The following MARCHF1 variants were observed in gnomAD, a reference collection of about 807,000 sequenced individuals.
MARCHF1 encodes E3 ubiquitin-protein ligase MARCHF1.
MARCHF1 carries 40 observed loss-of-function variants against 54.2 expected under a neutral mutation model. The ratio of observed to expected loss-of-function variants is 0.74; its 90% CI spans 0.57 to 0.96. The LOEUF is 0.96. Ranked by LOEUF, MARCHF1 falls within the 40% of genes least tolerant of loss-of-function variation. MARCHF1 has a pLI of 0.00. For missense variants in MARCHF1, 586 were observed against 656.5 expected (o/e 0.89, Z 1.17); for synonymous variants, 236 against 236.3 (o/e 1.00, Z 0.01).
In MARCHF1 at chr4:163,633,925, G is replaced by C. The variant is rs1024162703; in HGVS notation, c.163-20532C>G. On this transcript the variant is annotated intron_variant, in intron 5 of 9. Transcript: ENST00000514618. ...GGCAGACACCCTACAAGCCAGAAGA[G>C]AGTGGGGGCCAATATTCAACATTCT... 1.4e-4 allele frequency among the ~76,000 whole-genome samples: 22 copies of C among 152,184 alleles called. No individual in the cohort carries two copies. In the East Asian group the frequency reaches 1.5e-3, roughly 11 times the overall value.
chr4:164,267,400 C>T (rs1481764599), intron 1 of MARCHF1, among the ~76,000 whole-genome samples: 2 of 152,150 alleles, frequency 1.3e-5, no homozygotes, highest in East Asian at 3.9e-4. Flanking sequence ...GTGCCCTCTC[C>T]CTGTCTCTCT....
chr4:163,661,751 G>A (rs984048336), intron 5 of MARCHF1, among the ~76,000 whole-genome samples: 1 of 151,938 alleles, frequency 6.6e-6, no homozygotes, highest in African/African-American at 2.4e-5. Context: ...GTATTTTCTT[G>A]CCCATGCAGT....
intron 7 of MARCHF1, among the ~76,000 whole-genome samples, chr4:163,592,993 T>C (rs927978337): frequency 6.6e-5 from 10 of 152,212 alleles, no homozygotes; most frequent in Middle Eastern, 3.4e-3. Context: ...AAAAGCTGGA[T>C]TGCATCTTTT....
intron 3 of MARCHF1, among the ~76,000 whole-genome samples, chr4:163,974,776 T>C (rs1205519768): frequency 6.6e-6 from 1 of 152,162 alleles, no homozygotes; most frequent in Non-Finnish European, 1.5e-5. Context: ...TATGTGTCAA[T>C]TTGACTGAGT....
At chr4:163,960,328 T>C (rs1380263899) in intron 3 of MARCHF1, among the ~76,000 whole-genome samples, 1 of 152,036 alleles carries the variant, frequency 6.6e-6, no homozygotes, top group Non-Finnish European at 1.5e-5. Flanking sequence ...GGAATATAAA[T>C]CATTCTATCA....
At chr4:164,152,253 G>A (rs2110911790) in intron 1 of MARCHF1, among the ~76,000 whole-genome samples, 1 of 152,190 alleles carries the variant, frequency 6.6e-6, no homozygotes, top group African/African-American at 2.4e-5. Flanking sequence ...GATTACTTTA[G>A]CTAAGATGGT....
intron 4 of MARCHF1, among the ~76,000 whole-genome samples, chr4:163,762,898 A>C (rs1001926454): frequency 6.6e-6 from 1 of 152,112 alleles, no homozygotes; most frequent in Non-Finnish European, 1.5e-5. Flanking sequence ...GTAATTATGC[A>C]TCTTCCTACT....
rs1464045785 is a variant in MARCHF1 at position 164,176,968 on chromosome 4, CTCTCTCTCTCTCTATATATATATA to C, written c.-322-65330_-322-65307del. ...TCTCTCTCTCTCTCTCTCTCTCTCTCTCTCTCTCTCTCTATATATATATATATATATATATATATATACAAATGA... is the reference window on the plus strand; with the variant it reads ...TCTCTCTCTCTCTCTCTCTCTCTCTCTATATATATATATATATACAAATGA... On this transcript the variant is annotated intron_variant, in intron 1 of 9. Coordinates refer to ENST00000514618, the MANE Select transcript of MARCHF1 (RefSeq NM_001394959.1). Among the ~76,000 whole-genome samples the C allele has an allele frequency of 4.2e-4, 18 of 43,344 alleles. 1 individual carries two copies. Among genetic ancestry groups the C allele is most frequent in the African/African-American group, 1.9e-3 (18 of 9,428 alleles). 28.4% of individuals were successfully genotyped at this position (43,344 alleles called of 152,430 possible).
At chr4:163,661,300 C>T (rs1021255737) in intron 5 of MARCHF1, among the ~76,000 whole-genome samples, 1 of 152,038 alleles carries the variant, frequency 6.6e-6, no homozygotes, top group African/African-American at 2.4e-5. Context: ...TTTCTCTCCA[C>T]ACTCGAATAC....
At chr4:164,293,976 T>C (rs1463059628) in intron 1 of MARCHF1, among the ~76,000 whole-genome samples, 1 of 152,174 alleles carries the variant, frequency 6.6e-6, no homozygotes, top group African/African-American at 2.4e-5. Context: ...GTGGTCACCA[T>C]CTAATCAGCT....
chr4:164,264,285 A>C (rs1187888369), intron 1 of MARCHF1, among the ~76,000 whole-genome samples: 1 of 152,174 alleles, frequency 6.6e-6, no homozygotes, highest in East Asian at 1.9e-4. Context: ...GAGCTAAATG[A>C]TGAGAACTCA....
At chr4:164,119,623 T>A (rs906031218) in intron 1 of MARCHF1, among the ~76,000 whole-genome samples, 1 of 151,620 alleles carries the variant, frequency 6.6e-6, no homozygotes, top group Non-Finnish European at 1.5e-5. Flanking sequence ...AATAAATAAA[T>A]CAAAATGACA....
chr4:164,071,494 A>T (rs996704840), intron 2 of MARCHF1, among the ~76,000 whole-genome samples: 2 of 152,136 alleles, frequency 1.3e-5, no homozygotes, highest in Non-Finnish European at 2.9e-5. Flanking sequence ...AACTAGTGAT[A>T]TCCTTAAGAA....
At chr4:163,804,839 T>C (rs1473764424) in intron 4 of MARCHF1, among the ~76,000 whole-genome samples, 2 of 152,200 alleles carry the variant, frequency 1.3e-5, no homozygotes, top group African/African-American at 4.8e-5. Flanking sequence ...CTCTCTCACC[T>C]GTCTTCATTT....
rs1464015816 is a variant in MARCHF1, at chr4:164,116,521, A to T, written c.-322-4859T>A. Among the ~76,000 whole-genome samples, 8 of 152,270 alleles carry T rather than the reference A, an allele frequency of 5.3e-5. No individual in the cohort carries two copies. In the East Asian group the frequency reaches 1.5e-3, roughly 29 times the overall value. ...GTTAGCTCAAGGGCCATACAAAAGC[A>T]GGCCACAGTCTCTAGTTTCTGTTCC... On this transcript the variant is annotated intron_variant, in intron 1 of 9. Coordinates refer to ENST00000514618, the MANE Select transcript of MARCHF1 (RefSeq NM_001394959.1).
intron 8 of MARCHF1, among the ~76,000 whole-genome samples, chr4:163,559,644 A>G (rs1411632172): frequency 6.6e-6 from 1 of 152,074 alleles, no homozygotes; most frequent in East Asian, 1.9e-4. Context: ...TTATTTTAGA[A>G]CCTCCGATTA....
intron 1 of MARCHF1, among the ~76,000 whole-genome samples, chr4:164,140,239 C>CTATATATATATATATATATA (rs70948702): frequency 4.1e-5 from 6 of 147,384 alleles, no homozygotes; most frequent in Non-Finnish European, 7.5e-5. Context: ...TACACACACA[C>CTATATATATATATATATATA]TATATATATA....
intron 3 of MARCHF1, among the ~76,000 whole-genome samples, chr4:163,946,256 C>A (rs1456283769): frequency 2.0e-5 from 3 of 152,018 alleles, no homozygotes; most frequent in African/African-American, 7.3e-5. Context: ...GCTTTACACT[C>A]CAGGGTTTTG....
At chr4:163,555,479 A>G (rs141529893) in intron 8 of MARCHF1, among the ~76,000 whole-genome samples, 1,656 of 152,298 alleles carry the variant, frequency 0.011, 33 homozygotes, top group African/African-American at 0.038. Flanking sequence ...ATTACTTGAA[A>G]GTTTAATTAA....
Sources: gnomAD v4.1 joint callset for allele counts (sites outside exome capture counted in the v4.1 genomes callset) on GRCh38, gnomAD v4.1.1 for gene constraint, MANE v1.5 for transcripts, NCBI Gene and HGNC (gene_info 2026-07-23, HGNC 2026-07-21) for gene names.